The following BIRC2 variants were observed in gnomAD, a reference collection of about 807,000 sequenced individuals.
BIRC2 encodes the protein baculoviral IAP repeat containing 2.
BIRC2 carries 18 observed loss-of-function variants against 60.9 expected under a neutral mutation model. The ratio of observed to expected loss-of-function variants is 0.30; its 90% CI spans 0.20 to 0.44. The LOEUF (loss-of-function observed/expected upper bound fraction) is 0.44, where lower values mean the gene tolerates loss of function less well. Among genes scored for constraint, BIRC2 ranks in the 20% least tolerant of loss-of-function variants. BIRC2 has a pLI of 1.00. For synonymous variants in BIRC2, 282 were observed against 247.7 expected (o/e 1.14, Z -1.30); for missense variants, 701 against 728.5 (o/e 0.96, Z 0.43).
Position 102,378,180 on chromosome 11 carries a change from T to C in BIRC2, c.1854T>C (p.Ser618=), listed in dbSNP as rs1486488113. The change falls in exon 9 of 9, where the codon TCT becomes TCC. Residue 618 remains serine, a synonymous_variant. Coordinates refer to ENST00000227758, the MANE Select transcript of BIRC2 (RefSeq NM_001166.5). Reference sequence around the variant, plus strand: ...AGGGTACTGTTCGTACATTTCTCTCTTAAAGAAAAATAGTCTATATTTTAA... The same window carrying C: ...AGGGTACTGTTCGTACATTTCTCTCCTAAAGAAAAATAGTCTATATTTTAA... The part of the protein sequence containing the change: ...IIKGTVRTFL[S] 2.5e-6 allele frequency: 4 copies of C among 1,579,688 alleles called. No homozygotes were observed. The East Asian group carries it at 9.0e-5, about 35-fold the overall frequency.
At chr11:102,369,479 A>G (rs1951598251) in intron 6 of BIRC2, among the ~76,000 whole-genome samples, 1 of 151,440 alleles carries the variant, frequency 6.6e-6, no homozygotes, top group South Asian at 2.1e-4. Context: ...CCATGTCCCT[A>G]CAAAGGACAC....
At chr11:102,359,987 G>T (rs558952975) in intron 3 of BIRC2, among the ~76,000 whole-genome samples, 152 of 123,984 alleles carry the variant, frequency 1.2e-3, no homozygotes, top group Non-Finnish European at 1.4e-3. Context: ...TTTTTTTTTT[G>T]ATGGTGTCTT....
At chr11:102,377,452 G>GTT in intron 6 of BIRC2, 44 bp from the exon 7 acceptor site, 1 of 1,538,166 alleles carries the variant, frequency 6.5e-7, no homozygotes, top group South Asian at 1.2e-5. Flanking sequence ...TATAGTTAAA[G>GTT]GAGTTTAAAA....
At chr11:102,375,934 A>G (rs1951707796) in intron 6 of BIRC2, among the ~76,000 whole-genome samples, 1 of 151,816 alleles carries the variant, frequency 6.6e-6, no homozygotes, top group South Asian at 2.1e-4. Context: ...CAAATAAAAC[A>G]CTTTAACACA....
intron 3 of BIRC2, among the ~76,000 whole-genome samples, chr11:102,360,034 T>C (rs1258703201): frequency 1.3e-5 from 2 of 151,998 alleles, no homozygotes; most frequent in African/African-American, 4.8e-5. Flanking sequence ...TGGCATGATC[T>C]CAGCTCACTG....
chr11:102,357,658 A>C (rs1313321224), intron 3 of BIRC2, among the ~76,000 whole-genome samples: 1 of 151,914 alleles, frequency 6.6e-6, no homozygotes, highest in South Asian at 2.1e-4. Context: ...TTTTGATTTT[A>C]TTTATTTTCG....
intron 4 of BIRC2, 98 bp from the exon 5 acceptor site, chr11:102,363,570 C>A (rs1046297755): frequency 1.2e-6 from 1 of 859,308 alleles, no homozygotes. Context: ...CTCAAAAGAA[C>A]ATATACATTT....
intron 3 of BIRC2, among the ~76,000 whole-genome samples, chr11:102,358,443 A>T (rs1204428142): frequency 6.6e-6 from 1 of 152,180 alleles, no homozygotes; most frequent in Non-Finnish European, 1.5e-5. Context: ...AGTCCCAAGC[A>T]TTTCAGATAA....
chr11:102,368,577 G>GT, intron 6 of BIRC2, 29 bp downstream of exon 6: 1 of 1,606,380 alleles, frequency 6.2e-7, no homozygotes. Context: ...CACCTGCATT[G>GT]TTTCTCAGTG....
intron 3 of BIRC2, among the ~76,000 whole-genome samples, chr11:102,356,475 C>T (rs929806348): frequency 4.6e-5 from 7 of 151,818 alleles, no homozygotes; most frequent in Non-Finnish European, 1.0e-4. Context: ...GGATTAGAGG[C>T]GTGAGCCACT....
At chr11:102,370,541 C>T (rs1345891879) in intron 6 of BIRC2, among the ~76,000 whole-genome samples, 4 of 145,638 alleles carry the variant, frequency 2.7e-5, no homozygotes, top group Non-Finnish European at 4.5e-5. Context: ...GTTTTTGTAC[C>T]AGTACCATGC....
chr11:102,378,160 A>G lies in BIRC2; in HGVS notation c.1834A>G (p.Thr612Ala). The G allele has an allele frequency of 1.3e-6, 2 of 1,598,268 alleles. No individual in the cohort carries two copies. Among genetic ancestry groups the G allele is most frequent in the East Asian group, 2.2e-5 (1 of 44,770 alleles). Residue 612 changes from threonine (T) to alanine (A), a missense_variant, in exon 9 of 9, where the codon ACT becomes GCT. This residue lies in a region of BIRC2 where 52 missense variants were observed against 83.9 expected (regional missense o/e 0.62). Coordinates refer to ENST00000227758, the MANE Select transcript of BIRC2 (RefSeq NM_001166.5). ...TATTTGCAGGGGTATAATCAAGGGT[A>G]CTGTTCGTACATTTCTCTCTTAAAG... Reference protein sequence around the residue: ...CPICRGIIKGTVRTFLS With the variant: ...CPICRGIIKGAVRTFLS
chr11:102,350,497 G>A lies in BIRC2; in HGVS notation c.643G>A (p.Gly215Arg). ...AGCTGGTTTTTATTATATAGGACCT[G>A]GAGATAGGGTAGCCTGCTTTGCCTG... ...ARAGFYYIGP[G>R]DRVACFACGG... Residue 215 changes from glycine (G) to arginine (R), a missense_variant, in exon 2 of 9, where the codon GGA becomes AGA. This residue lies in a region of BIRC2 where 375 missense variants were observed against 365.9 expected (regional missense o/e 1.02). Coordinates refer to ENST00000227758, the MANE Select transcript of BIRC2 (RefSeq NM_001166.5). The A allele has an allele frequency of 6.2e-7, 1 of 1,614,216 alleles. No individual in the cohort carries two copies. The highest frequency in any genetic ancestry group is 8.5e-7 in the Non-Finnish European group (1 of 1,180,044).
At chr11:102,352,666 A>C (rs1161128469) in intron 3 of BIRC2, among the ~76,000 whole-genome samples, 1 of 151,540 alleles carries the variant, frequency 6.6e-6, no homozygotes, top group Non-Finnish European at 1.5e-5. Flanking sequence ...CCTGAGCTCA[A>C]GTGATCTGCT....
At chr11:102,366,873 C>G (rs1031718291) in intron 5 of BIRC2, among the ~76,000 whole-genome samples, 1 of 152,204 alleles carries the variant, frequency 6.6e-6, no homozygotes, top group Non-Finnish European at 1.5e-5. Context: ...AATATAAACT[C>G]TTAGGAAGCC....
rs1288337181 is a variant in BIRC2, at chr11:102,347,376, G to A, written c.-1258G>A. 1 of 152,366 alleles carries A rather than the reference G, an allele frequency of 6.6e-6. No individual in the cohort carries two copies. The highest frequency in any genetic ancestry group is 1.5e-5 in the Non-Finnish European group (1 of 68,134). 9.4% of individuals were successfully genotyped at this position (152,366 alleles called of 1,614,324 possible). A position where few individuals can be genotyped will look rare whatever the true frequency, so the allele number is the denominator to read the frequency against. On this transcript the variant is annotated splice_region_variant and 5_prime_UTR_variant, in exon 1 of 9. Transcript: ENST00000227758. ...TCCGTGTTTGCTGCGCCCGCACTGCGGTGAGTGCTGCTCCTTCCGGGCTCG... is the reference window on the plus strand; with the variant it reads ...TCCGTGTTTGCTGCGCCCGCACTGCAGTGAGTGCTGCTCCTTCCGGGCTCG...
At position 102,378,032 on chromosome 11, in the gene BIRC2, G is replaced by A. The variant is rs1037930222; in HGVS notation, c.1706G>A (p.Arg569Gln). Residue 569 changes from arginine to glutamine, a missense_variant, in exon 9 of 9, where the codon CGA (arginine) becomes CAA (glutamine). Physicochemically the swap from Arg to Gln is conservative, Grantham distance 43. Coordinates refer to ENST00000227758, the MANE Select transcript of BIRC2 (RefSeq NM_001166.5). Reference protein sequence around the residue: ...EEQLRRLQEERTCKVCMDKEV... With the variant: ...EEQLRRLQEEQTCKVCMDKEV... ...CAATTGAGGAGGTTGCAAGAAGAAC[G>A]AACTTGTAAAGTGTGTATGGACAAA... 2 of 1,612,042 alleles carry A rather than the reference G, an allele frequency of 1.2e-6. No individual in the cohort carries two copies. The highest frequency in any genetic ancestry group is 1.7e-6 in the Non-Finnish European group (2 of 1,179,292).
At chr11:102,365,867 GCAGGCATGAGC>G (rs1400425070) in intron 5 of BIRC2, among the ~76,000 whole-genome samples, 1 of 152,078 alleles carries the variant, frequency 6.6e-6, no homozygotes, top group Non-Finnish European at 1.5e-5. Context: ...TGCTGGGATT[GCAGGCATGAGC>G]CACTGCATTT....
intron 3 of BIRC2, among the ~76,000 whole-genome samples, chr11:102,361,248 C>T (rs968532044): frequency 1.3e-5 from 2 of 152,134 alleles, no homozygotes; most frequent in African/African-American, 2.4e-5. Context: ...AGCAGTGGTG[C>T]TTCTAGTGCC....
Sources: gnomAD v4.1 joint callset for allele counts (sites outside exome capture counted in the v4.1 genomes callset) on GRCh38, gnomAD v4.1.1 for gene constraint, gnomAD v4.1.1 regional missense constraint, MANE v1.5 for transcripts, NCBI Gene and HGNC (gene_info 2026-07-23, HGNC 2026-07-21) for gene names.